Variants in DPP10 observed in about 807,000 individuals in gnomAD.
The protein encoded by DPP10 is dipeptidyl peptidase like 10, also known as inactive dipeptidyl peptidase 10.
Under a neutral mutation model 120.9 loss-of-function variants are expected in DPP10, and 33 were observed. That is an observed-to-expected ratio of 0.27 (90% CI 0.21 to 0.37). The LOEUF is 0.37. DPP10 is among the 10% of genes least tolerant of loss of function. DPP10 has a pLI of 1.00. For synonymous variants in DPP10, 337 were observed against 326.1 expected (o/e 1.03, Z -0.36); for missense variants, 816 against 942.8 (o/e 0.87, Z 1.76).
At chr2:115,715,353 A>C (rs2092458366) in intron 7 of DPP10, among the ~76,000 whole-genome samples, 1 of 150,410 alleles carries the variant, frequency 6.6e-6, no homozygotes, top group Non-Finnish European at 1.5e-5. Flanking sequence ...AAAAAAAAAA[A>C]AAAAAAAAAA....
At chr2:115,333,793 G>T (rs546234481) in intron 2 of DPP10, among the ~76,000 whole-genome samples, 3 of 152,022 alleles carry the variant, frequency 2.0e-5, no homozygotes, top group Admixed American at 6.6e-5. Context: ...CGAGAGATCC[G>T]CTGTTAGTCT....
At chr2:115,394,059 G>A (rs963328181) in intron 3 of DPP10, among the ~76,000 whole-genome samples, 1 of 152,080 alleles carries the variant, frequency 6.6e-6, no homozygotes, top group Non-Finnish European at 1.5e-5. Context: ...ATCAGAGATT[G>A]GAAAATTATG....
At chr2:115,511,721 TCTTCTTCTTC>T (rs2077234627) in intron 4 of DPP10, among the ~76,000 whole-genome samples, 2 of 128,530 alleles carry the variant, frequency 1.6e-5, no homozygotes, top group African/African-American at 6.3e-5. Context: ...TTCTTCTTCT[TCTTCTTCTTC>T]TTTTTTTTTT....
intron 1 of DPP10, among the ~76,000 whole-genome samples, chr2:115,013,818 A>C (rs1251929060): frequency 6.6e-6 from 1 of 152,166 alleles, no homozygotes; most frequent in Non-Finnish European, 1.5e-5. Context: ...TATACACCCC[A>C]TACTGGAGCA....
intron 1 of DPP10, among the ~76,000 whole-genome samples, chr2:115,104,170 C>CTTTTTTTTTT (rs35125894): frequency 4.7e-5 from 4 of 84,650 alleles, no homozygotes; most frequent in African/African-American, 4.7e-5. Context: ...ATACATATGT[C>CTTTTTTTTTT]TTTTTTTTTT....
rs192948505 is a variant in DPP10, at chr2:115,727,807, C to G, written c.577-9C>G. On this transcript the variant is annotated splice_polypyrimidine_tract_variant and intron_variant, in intron 7 of 25. Coordinates refer to ENST00000410059, the MANE Select transcript of DPP10 (RefSeq NM_020868.6). ...GGATTTTTTGTTTGTTTCACATTTCCTGATCCAGATTTATATTTTTGAAAA... is the reference window on the plus strand; with the variant it reads ...GGATTTTTTGTTTGTTTCACATTTCGTGATCCAGATTTATATTTTTGAAAA... 6.3e-7 allele frequency: 1 copy of G among 1,575,600 alleles called. No individual in the cohort carries two copies. Among genetic ancestry groups the G allele is most frequent in the African/African-American group, 1.4e-5 (1 of 72,596 alleles).
intron 3 of DPP10, among the ~76,000 whole-genome samples, chr2:115,385,332 C>T (rs372471236): frequency 6.6e-6 from 1 of 150,636 alleles, no homozygotes; most frequent in Non-Finnish European, 1.5e-5. Context: ...CCCTTTTGTT[C>T]AATCATATTT....
intron 1 of DPP10, among the ~76,000 whole-genome samples, chr2:114,518,085 T>A (rs1484504038): frequency 6.8e-6 from 1 of 146,294 alleles, no homozygotes; most frequent in Non-Finnish European, 1.5e-5. Flanking sequence ...TTTTTTTTTT[T>A]TTTTTTTTTT....
chr2:115,506,837 T>C (rs1383004764), intron 4 of DPP10, among the ~76,000 whole-genome samples: 2 of 152,158 alleles, frequency 1.3e-5, no homozygotes, highest in African/African-American at 4.8e-5. Context: ...AGAGGAAAAC[T>C]GTGAGTGTGG....
intron 1 of DPP10, among the ~76,000 whole-genome samples, chr2:115,027,180 G>T (rs546138216): frequency 6.6e-6 from 1 of 152,140 alleles, no homozygotes; most frequent in South Asian, 2.1e-4. Flanking sequence ...TTATATGTTG[G>T]TTTTTGTATC....
intron 18 of DPP10, 40 bp downstream of exon 18, chr2:115,791,219 T>G (rs1318053933): frequency 6.2e-7 from 1 of 1,606,500 alleles, no homozygotes; most frequent in Non-Finnish European, 8.5e-7. Context: ...AGAACAACTT[T>G]CTCTGCGTCT....
At chr2:114,749,157 A>G (rs2106028592) in intron 1 of DPP10, among the ~76,000 whole-genome samples, 1 of 147,204 alleles carries the variant, frequency 6.8e-6, no homozygotes, top group Middle Eastern at 3.4e-3. Flanking sequence ...ATGGCCAGTG[A>G]TGATGAGCAT....
chr2:115,033,893 C>CTTTTTTTTTT (rs965717193), intron 1 of DPP10, among the ~76,000 whole-genome samples: 13 of 89,862 alleles, frequency 1.4e-4, no homozygotes, highest in South Asian at 4.2e-4. Flanking sequence ...TTTTCTTTTT[C>CTTTTTTTTTT]TTTTTTTTTT....
chr2:114,956,065 T>G (rs1698178720), intron 1 of DPP10, among the ~76,000 whole-genome samples: 2 of 152,042 alleles, frequency 1.3e-5, no homozygotes, highest in Non-Finnish European at 2.9e-5. Flanking sequence ...TCACCACTTT[T>G]ATTCAACATA....
At chr2:115,589,231 G>A (rs777149658) in intron 5 of DPP10, among the ~76,000 whole-genome samples, 32 of 152,284 alleles carry the variant, frequency 2.1e-4, no homozygotes, top group Middle Eastern at 3.4e-3. Context: ...CAGATTCTCA[G>A]TTGACAGATT....
intron 1 of DPP10, among the ~76,000 whole-genome samples, chr2:114,720,146 A>C (rs146313779): frequency 6.0e-4 from 91 of 152,254 alleles, no homozygotes; most frequent in African/African-American, 2.1e-3. Context: ...TTTAGGAGAG[A>C]CAGAGGATTG....
chr2:114,495,563 T>C (rs1682440471), intron 1 of DPP10, among the ~76,000 whole-genome samples: 2 of 152,316 alleles, frequency 1.3e-5, no homozygotes, highest in South Asian at 4.1e-4. Context: ...AATTTGAACA[T>C]ATCACAAGTT....
chr2:115,495,365 G>GAAAAAAAAA (rs3039998), intron 3 of DPP10, among the ~76,000 whole-genome samples: 9,696 of 81,764 alleles, frequency 0.12, 1,027 homozygotes, highest in East Asian at 0.25. Flanking sequence ...GCCATTTTCT[G>GAAAAAAAAA]AAAAAAAAAA....
chr2:115,684,336 A>G (rs2090849347), intron 5 of DPP10, among the ~76,000 whole-genome samples: 1 of 151,802 alleles, frequency 6.6e-6, no homozygotes, highest in African/African-American at 2.4e-5. Flanking sequence ...TGAAGAAGAT[A>G]AATCTTTTGA....
Sources: allele counts gnomAD v4.1 joint callset (sites outside exome capture counted in the v4.1 genomes callset), GRCh38; gene constraint gnomAD v4.1.1; transcripts MANE v1.5; gene names NCBI Gene and HGNC (gene_info 2026-07-23, HGNC 2026-07-21).